The following FGF13 variants were observed in gnomAD, a reference collection of about 807,000 sequenced individuals.
FGF13 encodes the protein fibroblast growth factor 13, also known as fibroblast growth factor homologous factor 2.
Under a neutral mutation model 19.5 loss-of-function variants are expected in FGF13, and 2 were observed. The observed-to-expected ratio is 0.10, with a 90% confidence interval of 0.04 to 0.32. FGF13 has a LOEUF of 0.32. Ranked by LOEUF, FGF13 falls within the 10% of genes least tolerant of loss-of-function variation. FGF13 has a pLI of 1.00. For missense variants in FGF13, 113 were observed against 192.7 expected, an observed-to-expected ratio of 0.59 and a Z score of 2.45; for synonymous variants, 72 against 76.9, an observed-to-expected ratio of 0.94 and a Z score of 0.33.
chrX:138,855,260 C>A (rs2091250842), downstream of FGF13, among the ~76,000 whole-genome samples: 1 of 111,650 alleles, frequency 9.0e-6, no homozygotes, highest in Non-Finnish European at 1.9e-5. Context: ...CCAAGATCAG[C>A]TCCACAGCAT....
intron 1 of FGF13, among the ~76,000 whole-genome samples, chrX:138,734,380 G>A (rs1248160304): frequency 9.0e-6 from 1 of 111,364 alleles, no homozygotes; most frequent in Non-Finnish European, 1.9e-5. Context: ...GACATGTGTA[G>A]TTACTCTCAT....
chrX:139,166,351 G>A (rs963903927), intron 1 of FGF13, among the ~76,000 whole-genome samples: 16 of 111,349 alleles, frequency 1.4e-4, no homozygotes, highest in Admixed American at 3.8e-4. Flanking sequence ...GAAGAAGGAC[G>A]TATTTGCTAC....
intron 3 of FGF13, among the ~76,000 whole-genome samples, chrX:138,765,963 G>A (rs1365587130): frequency 2.7e-5 from 3 of 110,632 alleles, no homozygotes; most frequent in East Asian, 2.8e-4. Context: ...CTGCTCTCTC[G>A]CCCATCTTAC....
chrX:139,029,743 T>C (rs890831847), intron 1 of FGF13, among the ~76,000 whole-genome samples: 1 of 111,386 alleles, frequency 9.0e-6, no homozygotes, highest in Non-Finnish European at 1.9e-5. Context: ...ACATACGTTA[T>C]ATGAGGCTCA....
Position 138,631,546 on chromosome X carries a change from G to T in FGF13, c.*1304C>A, listed in dbSNP as rs1033063356. On this transcript the variant is annotated 3_prime_UTR_variant, in exon 5 of 5. Transcript: ENST00000315930. ...CTTCAGTTACTGGCACATAATGGAC[G>T]CTCAATAAATACATGTTGGAAGATT... 3 of 112,435 alleles carry T rather than the reference G, an allele frequency of 2.7e-5. No homozygotes were observed. The Admixed American group carries it at 2.8e-4, about 11-fold the overall frequency. 9.3% of individuals were successfully genotyped at this position (112,435 alleles called of 1,213,427 possible). A position where few individuals can be genotyped will look rare whatever the true frequency, so the allele number is the denominator to read the frequency against.
chrX:139,066,827 A>G (rs903164078), intron 1 of FGF13, among the ~76,000 whole-genome samples: 1 of 111,306 alleles, frequency 9.0e-6, no homozygotes, highest in South Asian at 3.8e-4. Flanking sequence ...CAACCAAAAA[A>G]AAAAAGCAAA....
chrX:138,632,954 G>C lies in FGF13; in HGVS notation c.634C>G (p.Leu212Val). 1 of 1,210,595 alleles carries C rather than the reference G, an allele frequency of 8.3e-7. No homozygotes were observed. The highest frequency in any genetic ancestry group is 1.1e-6 in the Non-Finnish European group (1 of 894,928). The change falls in exon 5 of 5, where the codon CTC (leucine) becomes GTC (valine). Residue 212 changes from leucine to valine, a missense_variant. Physicochemically the swap from Leu to Val is conservative, Grantham distance 32. Around this residue, in one of 4 missense-constraint regions of FGF13, gnomAD observed 43 missense variants for 41.4 expected, o/e 1.04. Coordinates refer to ENST00000315930, the MANE Select transcript of FGF13 (RefSeq NM_004114.5). ...CTTCCAGATCGGGAGAACTCCGTGA[G>C]ATCGTGCAGTGATGGCTCCTTGTAC... is the stretch of plus-strand genomic sequence containing the variant. ...AMYKEPSLHDLTEFSRSGSGT... is the reference protein window; with the variant it reads ...AMYKEPSLHDVTEFSRSGSGT...
rs189507150 is a variant in FGF13 at position 138,618,429 on chromosome X, G to C, written c.*14421C>G. On this transcript the variant is annotated 3_prime_UTR_variant, in exon 5 of 5. Coordinates refer to ENST00000315930, the MANE Select transcript of FGF13 (RefSeq NM_004114.5). Reference sequence around the variant, plus strand: ...GAATACTGAGGGGATCATCATGTCTGAGTGACTGAGAGGCTGTGAGCAGGG... The same window carrying C: ...GAATACTGAGGGGATCATCATGTCTCAGTGACTGAGAGGCTGTGAGCAGGG... 19 of 111,512 alleles carry C rather than the reference G, an allele frequency of 1.7e-4. No homozygotes were observed. Among genetic ancestry groups the C allele is most frequent in the African/African-American group, 6.2e-4 (19 of 30,607 alleles). The allele number at this position is 111,512 out of a possible 1,213,427, so 9.2% of individuals were successfully genotyped here.
At chrX:138,890,480 CA>C (rs374052571) in intron 1 of FGF13, among the ~76,000 whole-genome samples, 32 of 108,568 alleles carry the variant, frequency 2.9e-4, no homozygotes, top group African/African-American at 9.0e-4. Flanking sequence ...ATACCAATGA[CA>C]AAAAAAAATA....
At chrX:138,974,385 G>A (rs1402713765) in intron 1 of FGF13, among the ~76,000 whole-genome samples, 1 of 111,603 alleles carries the variant, frequency 9.0e-6, no homozygotes, top group Non-Finnish European at 1.9e-5. Flanking sequence ...AGGAAATATA[G>A]TGGAGCTCTC....
Position 138,941,410 on chromosome X carries a change from A to C in FGF13, c.-112-76760T>G, listed in dbSNP as rs182008859. Among the ~76,000 whole-genome samples, 21 of 111,674 alleles carry C rather than the reference A, an allele frequency of 1.9e-4. 1 individual carries two copies. In the East Asian group the frequency reaches 5.9e-3, roughly 31 times the overall value. ...ACAAAAATCAGTAGCATTCCTATAC[A>C]CCAACGATGTCCAAGCTGAGAGCCA... On this transcript the variant is annotated intron_variant, in intron 1 of 2. Transcript: ENST00000421460.
chrX:138,619,657 G>A lies in FGF13; in HGVS notation c.*13193C>T, dbSNP rs2124067005. 1 of 110,534 alleles carries A rather than the reference G, an allele frequency of 9.0e-6. No homozygotes were observed. Among genetic ancestry groups the A allele is most frequent in the African/African-American group, 3.3e-5 (1 of 30,463 alleles). 9.1% of individuals were successfully genotyped at this position (110,534 alleles called of 1,213,427 possible). On this transcript the variant is annotated 3_prime_UTR_variant, in exon 5 of 5. Transcript: ENST00000315930. ...AAACCGCATCAAAAAGTGGGCAAAGGACATGAACAGACACTTCTCAAAAAA... is the reference window on the plus strand; with the variant it reads ...AAACCGCATCAAAAAGTGGGCAAAGAACATGAACAGACACTTCTCAAAAAA...
chrX:139,145,375 T>C (rs1277271452), intron 1 of FGF13, among the ~76,000 whole-genome samples: 2 of 111,781 alleles, frequency 1.8e-5, no homozygotes, highest in Non-Finnish European at 3.8e-5. Flanking sequence ...GTGGTGATGG[T>C]TTCATGGTAT....
intron 1 of FGF13, among the ~76,000 whole-genome samples, chrX:138,969,181 G>A (rs952130612): frequency 6.3e-5 from 7 of 111,990 alleles, no homozygotes; most frequent in Admixed American, 2.8e-4. Flanking sequence ...ACAGTCAACT[G>A]TGTGTCAGAA....
chrX:138,955,419 T>C (rs746997774), intron 1 of FGF13, among the ~76,000 whole-genome samples: 18 of 111,777 alleles, frequency 1.6e-4, no homozygotes, highest in South Asian at 7.5e-4. Context: ...ATAGGCAAAA[T>C]AGCAAACGTT....
intron 3 of FGF13, among the ~76,000 whole-genome samples, chrX:138,744,689 C>A (rs749988829): frequency 3.2e-4 from 36 of 111,258 alleles, no homozygotes; most frequent in African/African-American, 1.1e-3. Context: ...GTATCAGGAC[C>A]TTTGTCATGT....
At chrX:139,142,347 A>G (rs778250111) in intron 1 of FGF13, among the ~76,000 whole-genome samples, 2 of 112,160 alleles carry the variant, frequency 1.8e-5, no homozygotes, top group African/African-American at 3.2e-5. Context: ...AGATAAAAAT[A>G]CCACCACATA....
chrX:138,699,897 G>T (rs1438558078), intron 3 of FGF13, among the ~76,000 whole-genome samples: 1 of 111,570 alleles, frequency 9.0e-6, no homozygotes, highest in Non-Finnish European at 1.9e-5. Flanking sequence ...GCTATACTCA[G>T]GTAACTTCCT....
chrX:138,945,819 A>G (rs1269954994), intron 1 of FGF13, among the ~76,000 whole-genome samples: 1 of 111,952 alleles, frequency 8.9e-6, no homozygotes, highest in Non-Finnish European at 1.9e-5. Flanking sequence ...AAGCTTTCCA[A>G]TCAACTGTAG....
Sources: allele counts gnomAD v4.1 joint callset (sites outside exome capture counted in the v4.1 genomes callset), GRCh38; gene constraint gnomAD v4.1.1; regional missense constraint gnomAD v4.1.1; transcripts MANE v1.5; gene names NCBI Gene and HGNC (gene_info 2026-07-23, HGNC 2026-07-21).